The following PHC2 variants were observed in gnomAD, a reference collection of about 807,000 sequenced individuals.
The protein encoded by PHC2 is polyhomeotic homolog 2.
In PHC2, 29 loss-of-function variants were observed where a neutral mutation model predicts 87.4. That is an observed-to-expected ratio of 0.33 (90% CI 0.25 to 0.45). PHC2 has a LOEUF of 0.45. Ranked by LOEUF, PHC2 falls within the 20% of genes least tolerant of loss-of-function variation. The pLI, the probability that PHC2 is intolerant of heterozygous loss-of-function variation, is 1.00. For missense variants in PHC2, 857 were observed against 1,136.7 expected (o/e 0.75, Z 3.54); for synonymous variants, 438 against 461.7 (o/e 0.95, Z 0.66).
At chr1:33,425,737 G>T (rs905543710) in intron 1 of PHC2, among the ~76,000 whole-genome samples, 1 of 152,214 alleles carries the variant, frequency 6.6e-6, no homozygotes, top group Non-Finnish European at 1.5e-5. Context: ...TGGAGACCAT[G>T]CCACAGCATA....
chr1:33,351,331 C>G (rs745372403), intron 9 of PHC2, among the ~76,000 whole-genome samples: 1 of 152,096 alleles, frequency 6.6e-6, no homozygotes, highest in African/African-American at 2.4e-5. Flanking sequence ...TATTAGCTTG[C>G]GAGCTGTACG....
chr1:33,411,409 C>CAA (rs1570512477), intron 1 of PHC2, among the ~76,000 whole-genome samples: 2 of 150,902 alleles, frequency 1.3e-5, no homozygotes, highest in East Asian at 3.9e-4. Context: ...CTGCTAGTTC[C>CAA]CCAAAAATGC....
intron 1 of PHC2, among the ~76,000 whole-genome samples, chr1:33,387,945 T>C (rs1433023164): frequency 6.6e-6 from 1 of 152,264 alleles, no homozygotes; most frequent in African/African-American, 2.4e-5. Flanking sequence ...GAGTAATAAT[T>C]AGGGCATGTC....
intron 7 of PHC2, among the ~76,000 whole-genome samples, chr1:33,357,930 G>A (rs893389497): frequency 6.6e-6 from 1 of 152,196 alleles, no homozygotes; most frequent in African/African-American, 2.4e-5. Flanking sequence ...GGGAGCTGGA[G>A]ATGGTTCCAG....
At chr1:33,366,689 G>C (rs1647470097) in intron 7 of PHC2, among the ~76,000 whole-genome samples, 1 of 152,228 alleles carries the variant, frequency 6.6e-6, no homozygotes, top group African/African-American at 2.4e-5. Context: ...AATGCTTGCT[G>C]AATGATGAGA....
At chr1:33,401,657 C>T (rs192406450) in intron 1 of PHC2, among the ~76,000 whole-genome samples, 141 of 152,272 alleles carry the variant, frequency 9.3e-4, no homozygotes, top group African/African-American at 3.4e-3. Flanking sequence ...GAGCTAGTTG[C>T]TAAACATTTA....
chr1:33,397,432 C>T (rs1251751573), intron 1 of PHC2, among the ~76,000 whole-genome samples: 2 of 152,180 alleles, frequency 1.3e-5, no homozygotes, highest in Non-Finnish European at 2.9e-5. Context: ...TTCACGTGCA[C>T]ATTAAAGCTT....
intron 1 of PHC2, among the ~76,000 whole-genome samples, chr1:33,411,272 C>T (rs1476747281): frequency 6.6e-6 from 1 of 152,134 alleles, no homozygotes; most frequent in Non-Finnish European, 1.5e-5. Context: ...ATCAAGAAAT[C>T]TCAATATAAT....
intron 7 of PHC2, among the ~76,000 whole-genome samples, chr1:33,356,265 ATATATATATATG>A (rs1293752214): frequency 3.3e-5 from 3 of 89,582 alleles, no homozygotes; most frequent in African/African-American, 8.4e-5. Flanking sequence ...ATATATATAT[ATATATATATATG>A]TATATATATA....
intron 10 of PHC2, chr1:33,333,803 C>T (rs139746248): frequency 5.3e-6 from 2 of 375,188 alleles, no homozygotes; most frequent in African/African-American, 2.2e-5. Flanking sequence ...AGTGAACTCC[C>T]TTTTAACCAA....
chr1:33,384,147 C>G (rs1418960724), intron 1 of PHC2, among the ~76,000 whole-genome samples: 1 of 152,124 alleles, frequency 6.6e-6, no homozygotes, highest in Non-Finnish European at 1.5e-5. Flanking sequence ...TTGTATGCTC[C>G]AAGGCAAGGC....
chr1:33,329,947 A>T, intron 13 of PHC2, 124 bp downstream of exon 13: 1 of 1,067,702 alleles, frequency 9.4e-7, no homozygotes, highest in Non-Finnish European at 1.4e-6. Context: ...CAGGTCTACA[A>T]GGAATGAGAG....
chr1:33,419,182 A>C (rs1308140712), intron 1 of PHC2, among the ~76,000 whole-genome samples: 1 of 152,218 alleles, frequency 6.6e-6, no homozygotes, highest in Non-Finnish European at 1.5e-5. Context: ...TGTTTGCCGA[A>C]ATTATTATTA....
At chr1:33,398,308 C>A (rs1303127730) in intron 1 of PHC2, among the ~76,000 whole-genome samples, 1 of 152,146 alleles carries the variant, frequency 6.6e-6, no homozygotes, top group African/African-American at 2.4e-5. Flanking sequence ...TAAATCACAG[C>A]CAGAGGAAGG....
At chr1:33,394,191 T>C (rs896348992) in intron 1 of PHC2, among the ~76,000 whole-genome samples, 3 of 152,144 alleles carry the variant, frequency 2.0e-5, no homozygotes, top group African/African-American at 7.2e-5. Flanking sequence ...CTCAAACTTA[T>C]ACAGTTACAA....
rs762757266 is a variant in PHC2, at chr1:33,331,411, C to T, written c.1943G>A (p.Arg648Gln). ...CTTGAACTTATAGGCAAAGTCCACC[C>T]GGCCACAGAGCTCACACTTGAGTTT... is the stretch of plus-strand genomic sequence containing the variant. ...PLKLKCELCG[R>Q]VDFAYKFKRS... is the part of the protein sequence containing the mutation. The change falls in exon 12 of 15, where the codon CGG becomes CAG. Residue 648 changes from arginine to glutamine, a missense_variant. Physicochemically the swap from Arg to Gln is conservative, Grantham distance 43. This residue lies in a region of PHC2 where 832 missense variants were observed against 1,081.8 expected (regional missense o/e 0.77). Coordinates refer to ENST00000683057, the MANE Select transcript of PHC2 (RefSeq NM_001385109.1). This position sits in a 1 kb window ranked among gnomAD's most constrained non-coding sequence, Gnocchi z 5.2. The T allele has an allele frequency of 9.3e-6, 15 of 1,612,976 alleles. No homozygotes were observed. The highest frequency in any genetic ancestry group is 1.2e-5 in the Non-Finnish European group (14 of 1,179,326).
intron 1 of PHC2, among the ~76,000 whole-genome samples, chr1:33,394,300 GA>G (rs892185259): frequency 1.9e-3 from 264 of 137,146 alleles, no homozygotes; most frequent in African/African-American, 5.5e-3. Flanking sequence ...AGCAGCAAAA[GA>G]AAAAAAAAAG....
intron 9 of PHC2, among the ~76,000 whole-genome samples, chr1:33,348,199 A>C (rs560847958): frequency 6.6e-5 from 10 of 152,290 alleles, no homozygotes; most frequent in Non-Finnish European, 1.2e-4. Flanking sequence ...AACGATGGGA[A>C]GCCCTACATC....
intron 1 of PHC2, among the ~76,000 whole-genome samples, chr1:33,430,206 T>G (rs979398835): frequency 6.6e-6 from 1 of 152,212 alleles, no homozygotes; most frequent in Non-Finnish European, 1.5e-5. Flanking sequence ...CCTCCGTGTA[T>G]GACAGACCCG....
Sources: gnomAD v4.1 joint callset for allele counts (sites outside exome capture counted in the v4.1 genomes callset) on GRCh38, gnomAD v4.1.1 for gene constraint, gnomAD v4.1.1 regional missense constraint, Gnocchi (gnomAD v3.1) non-coding constraint, MANE v1.5 for transcripts, NCBI Gene and HGNC (gene_info 2026-07-23, HGNC 2026-07-21) for gene names.